Variants in PCDHGA6 observed in about 807,000 individuals in gnomAD.
PCDHGA6 encodes protocadherin gamma-A6.
A neutral mutation model predicts 60.6 loss-of-function variants in PCDHGA6; 41 were observed. The ratio of observed to expected loss-of-function variants is 0.68; its 90% confidence interval spans 0.53 to 0.88. PCDHGA6 has a LOEUF of 0.88. Among genes scored for constraint, PCDHGA6 ranks in the 40% least tolerant of loss-of-function variants. The pLI, the probability that PCDHGA6 is intolerant of heterozygous loss-of-function variation, is 0.00. For synonymous variants in PCDHGA6, 594 were observed against 524.4 expected (o/e 1.13, Z -1.81); for missense variants, 1,312 against 1,203.0 (o/e 1.09, Z -1.34).
Position 141,417,626 on chromosome 5 carries a change from T to C in PCDHGA6, c.2424+41119T>C, listed in dbSNP as rs1156653216. ...CCGTCGGCCAGTGCAGAGCAAGCGC[T>C]GACGCCGGGGATCCCTCAGCCTCTA... On this transcript the variant is annotated intron_variant, in intron 1 of 3. Coordinates refer to ENST00000517434, the MANE Select transcript of PCDHGA6 (RefSeq NM_018919.3). The C allele has an allele frequency of 4.4e-6, 3 of 689,458 alleles. No homozygotes were observed. In the African/African-American group the frequency reaches 5.4e-5, roughly 12 times the overall value. The allele number at this position is 689,458 out of a possible 1,614,324, so 42.7% of individuals were successfully genotyped here. A position where few individuals can be genotyped will look rare whatever the true frequency, so the allele number is the denominator to read the frequency against.
At position 141,374,995 on chromosome 5, in the gene PCDHGA6, T is replaced by C. The variant is rs551496415; in HGVS notation, c.912T>C (p.Ser304=). ...TTTTGACTGGAGAAATTTCAACTTC[T>C]GCAAATCTAGACTATGAGGACTCGA... The part of the protein sequence containing the change: ...LNVLTGEIST[S]ANLDYEDSSF... Residue 304 remains serine, a synonymous_variant, in exon 1 of 4, where the codon TCT becomes TCC. Transcript: ENST00000517434. 4 of 1,613,956 alleles carry C rather than the reference T, an allele frequency of 2.5e-6. No individual in the cohort carries two copies. The Admixed American group carries it at 5.0e-5, about 20-fold the overall frequency.
chr5:141,485,938 A>G lies in PCDHGA6; in HGVS notation c.2425-8869A>G. The stretch of plus-strand genomic sequence containing the variant: ...ACAGGATTAGTGTGTTGGAGAGCGC[A>G]CCAGCGGGCATGGTGCTCATCCAGC... On this transcript the variant is annotated intron_variant, in intron 1 of 3. Transcript: ENST00000517434. The surrounding 1 kb of genome is among the most constrained non-coding windows in gnomAD (Gnocchi z 5.7). 6.2e-7 allele frequency: 1 copy of G among 1,614,162 alleles called. No individual in the cohort carries two copies. The highest frequency in any genetic ancestry group is 1.3e-5 in the African/African-American group (1 of 75,028).
At chr5:141,383,034 G>A in intron 1 of PCDHGA6, 2 of 1,613,860 alleles carry the variant, frequency 1.2e-6, no homozygotes. Context: ...GGTCCTTTGT[G>A]GGAGACATCG....
At chr5:141,410,337 C>T (rs1196366344) in intron 1 of PCDHGA6, 1 of 1,613,930 alleles carries the variant, frequency 6.2e-7, no homozygotes, top group Non-Finnish European at 8.5e-7. Context: ...CTGGCCATTG[C>T]CTTGCGCCTG....
rs2097461148 is a variant in PCDHGA6 at position 141,432,174 on chromosome 5, T to C, written c.2424+55667T>C. ...AACAATCCCAGAGGAGTTTCCCTCGTCTCTGTGACCGCCCACGACCCCGAC... is the reference window on the plus strand; with the variant it reads ...AACAATCCCAGAGGAGTTTCCCTCGCCTCTGTGACCGCCCACGACCCCGAC... On this transcript the variant is annotated intron_variant, in intron 1 of 3. Transcript: ENST00000517434. The surrounding 1 kb of genome is among the most constrained non-coding windows in gnomAD (Gnocchi z 6.0). 1 of 1,614,088 alleles carries C rather than the reference T, an allele frequency of 6.2e-7. No homozygotes were observed. Among genetic ancestry groups the C allele is most frequent in the Non-Finnish European group, 8.5e-7 (1 of 1,180,022 alleles).
rs143939286 is a variant in PCDHGA6 at position 141,427,522 on chromosome 5, T to C, written c.2424+51015T>C. 6.1e-3 allele frequency: 3,716 copies of C among 607,796 alleles called. 27 individuals are homozygous for C. The highest frequency in any genetic ancestry group is 8.8e-3 in the Non-Finnish European group (2,868 of 324,656). The allele number at this position is 607,796 out of a possible 1,614,324, so 37.7% of individuals were successfully genotyped here. A position where few individuals can be genotyped will look rare whatever the true frequency, so the allele number is the denominator to read the frequency against. On this transcript the variant is annotated intron_variant, in intron 1 of 3. Transcript: ENST00000517434. ...GATGGGACCCTGGATTGGGAGCGGATCCCGGAGTACAACGTCACCATCACT... is the reference window on the plus strand; with the variant it reads ...GATGGGACCCTGGATTGGGAGCGGACCCCGGAGTACAACGTCACCATCACT...
chr5:141,454,564 G>A (rs896426143), intron 1 of PCDHGA6, among the ~76,000 whole-genome samples: 1 of 151,874 alleles, frequency 6.6e-6, no homozygotes, highest in Non-Finnish European at 1.5e-5. Context: ...GTGCCACCAC[G>A]CCCGGCTAAT....
chr5:141,449,300 T>C (rs2098635283), intron 1 of PCDHGA6, among the ~76,000 whole-genome samples: 1 of 152,090 alleles, frequency 6.6e-6, no homozygotes, highest in Non-Finnish European at 1.5e-5. Flanking sequence ...GGGTGAATTA[T>C]ATGTATTATA....
rs141295392 is a variant in PCDHGA6 at position 141,393,658 on chromosome 5, G to A, written c.2424+17151G>A. 3.0e-5 allele frequency: 49 copies of A among 1,613,798 alleles called. No homozygotes were observed. The Middle Eastern group carries it at 6.6e-4, about 22-fold the overall frequency. ...AACGGAAAAGTGGCATACAAATTCC[G>A]GAAAATTAATGAAAAACAAACTCCG... On this transcript the variant is annotated intron_variant, in intron 1 of 3. Transcript: ENST00000517434.
chr5:141,481,913 CAA>C (rs34114744), intron 1 of PCDHGA6, among the ~76,000 whole-genome samples: 12,059 of 90,730 alleles, frequency 0.13, 576 homozygotes, highest in African/African-American at 0.21. Flanking sequence ...AACTCCATCT[CAA>C]AAAAAAAAAA....
In PCDHGA6 at chr5:141,476,374, GTTTGTGAACGACCGTC is replaced by G. The variant is rs1424626307; in HGVS notation, c.2425-18431_2425-18416del. 1 of 1,614,060 alleles carries G rather than the reference GTTTGTGAACGACCGTC, an allele frequency of 6.2e-7. No individual in the cohort carries two copies. The highest frequency in any genetic ancestry group is 1.3e-5 in the African/African-American group (1 of 74,922). Reference sequence around the variant, plus strand: ...AGGTGAACCGGGAGACCGGAGAGATGTTTGTGAACGACCGTCTGGATCGAGAGGAGCTGTGTGGGAC... The same window carrying G: ...AGGTGAACCGGGAGACCGGAGAGATGTGGATCGAGAGGAGCTGTGTGGGAC... On this transcript the variant is annotated intron_variant, in intron 1 of 3. Coordinates refer to ENST00000517434, the MANE Select transcript of PCDHGA6 (RefSeq NM_018919.3). The surrounding 1 kb of genome is among the most constrained non-coding windows in gnomAD (Gnocchi z 7.6).
At position 141,491,884 on chromosome 5, in the gene PCDHGA6, G is replaced by A. The variant is rs745931108; in HGVS notation, c.2425-2923G>A. The A allele has an allele frequency of 2.8e-6, 4 of 1,446,372 alleles. No homozygotes were observed. The highest frequency in any genetic ancestry group is 2.9e-5 in the Admixed American group (1 of 34,718). 89.6% of individuals were successfully genotyped at this position (1,446,372 alleles called of 1,614,324 possible). ...AACCAGAGTGGCCGATTAAGGGATG[G>A]GGCTCCGAGCACCGGGGGTGGTGGC... On this transcript the variant is annotated intron_variant, in intron 1 of 3. Coordinates refer to ENST00000517434, the MANE Select transcript of PCDHGA6 (RefSeq NM_018919.3). This position sits in a 1 kb window ranked among gnomAD's most constrained non-coding sequence, Gnocchi z 6.9.
chr5:141,389,676 C>T, intron 1 of PCDHGA6: 1 of 1,612,444 alleles, frequency 6.2e-7, no homozygotes, highest in Non-Finnish European at 8.5e-7. Context: ...AGACTCAGGA[C>T]ACAACGCCTG....
Position 141,376,115 on chromosome 5 carries a change from C to A in PCDHGA6, c.2032C>A (p.Leu678Ile). ...CGACATCCTGGCCGACCTGGGCAGC[C>A]TCGAGCCCTCCGCCAAACCCAACGA... Reference protein sequence around the residue: ...IPDILADLGSLEPSAKPNDSD... With the variant: ...IPDILADLGSIEPSAKPNDSD... The change falls in exon 1 of 4, where the codon CTC (leucine) becomes ATC (isoleucine). Residue 678 changes from leucine to isoleucine, a missense_variant. Coordinates refer to ENST00000517434, the MANE Select transcript of PCDHGA6 (RefSeq NM_018919.3). 1.2e-6 allele frequency: 2 copies of A among 1,613,870 alleles called. No individual in the cohort carries two copies. The highest frequency in any genetic ancestry group is 8.5e-7 in the Non-Finnish European group (1 of 1,179,948).
At chr5:141,414,174 A>C in intron 1 of PCDHGA6, 1 of 1,607,520 alleles carries the variant, frequency 6.2e-7, no homozygotes, top group Non-Finnish European at 8.5e-7. Context: ...CATATCTTGC[A>C]ACTGCAAAAG....
At position 141,477,811 on chromosome 5, in the gene PCDHGA6, C is replaced by A. The variant is rs1211574518; in HGVS notation, c.2425-16996C>A. 1 of 1,614,046 alleles carries A rather than the reference C, an allele frequency of 6.2e-7. No individual in the cohort carries two copies. Among genetic ancestry groups the A allele is most frequent in the Non-Finnish European group, 8.5e-7 (1 of 1,180,034 alleles). On this transcript the variant is annotated intron_variant, in intron 1 of 3. Transcript: ENST00000517434. This position sits in a 1 kb window ranked among gnomAD's most constrained non-coding sequence, Gnocchi z 4.9. ...TCACTGATCGCAATGACAATGCCCC[C>A]CAGGTCCTATATCCTCGGCCAGGTG...
chr5:141,408,437 G>A (rs368564960), intron 1 of PCDHGA6: 1 of 1,614,068 alleles, frequency 6.2e-7, no homozygotes, highest in Admixed American at 1.7e-5. Flanking sequence ...CAGCGTAGAC[G>A]CGGAGAGCGG....
In PCDHGA6 at chr5:141,376,522, G is replaced by T; in HGVS notation, c.2424+15G>T. ...GGCAACTTCAGGTGAGTTTCTTTCC[G>T]CCTAAGCGGGAAGAGTAATCTGATC... is the stretch of plus-strand genomic sequence containing the variant. On this transcript the variant is annotated intron_variant, in intron 1 of 3. Transcript: ENST00000517434. 6.2e-7 allele frequency: 1 copy of T among 1,613,784 alleles called. No homozygotes were observed. Among genetic ancestry groups the T allele is most frequent in the Non-Finnish European group, 8.5e-7 (1 of 1,179,822 alleles).
chr5:141,390,509 A>G, intron 1 of PCDHGA6: 1 of 590,022 alleles, frequency 1.7e-6, no homozygotes, highest in Non-Finnish European at 2.9e-6. Flanking sequence ...GCTTAGATTT[A>G]TAAAGCAATG....
Sources: gnomAD v4.1 joint callset for allele counts (sites outside exome capture counted in the v4.1 genomes callset) on GRCh38, gnomAD v4.1.1 for gene constraint, Gnocchi (gnomAD v3.1) non-coding constraint, MANE v1.5 for transcripts, NCBI Gene and HGNC (gene_info 2026-07-23, HGNC 2026-07-21) for gene names.